Variants in ZEB1 observed in about 807,000 individuals in gnomAD.
ZEB1 encodes zinc finger E-box binding homeobox 1.
Under a neutral mutation model 84.9 loss-of-function variants are expected in ZEB1, and 21 were observed. That is an observed-to-expected ratio of 0.25 (90% confidence interval 0.18 to 0.36). The LOEUF is 0.36. Ranked by LOEUF, ZEB1 falls within the 10% of genes least tolerant of loss-of-function variation. The probability of loss-of-function intolerance (pLI) is 1.00; values close to 1 mark genes in which losing one functional copy is unlikely to be tolerated. For synonymous variants in ZEB1, 420 were observed against 471.1 expected (o/e 0.89, Z 1.41); for missense variants, 1,104 against 1,330.2 (o/e 0.83, Z 2.65).
chr10:31,444,359 A>G (rs1349471929), intron 1 of ZEB1, among the ~76,000 whole-genome samples: 4 of 149,846 alleles, frequency 2.7e-5, no homozygotes, highest in African/African-American at 9.9e-5. Flanking sequence ...CCCATTTTGT[A>G]GGTTGCCTGT....
intron 1 of ZEB1, among the ~76,000 whole-genome samples, chr10:31,449,624 A>G (rs557335345): frequency 3.4e-4 from 52 of 152,246 alleles, no homozygotes; most frequent in Non-Finnish European, 5.7e-4. Context: ...TTTAGGGTCT[A>G]TTTTGTATTA....
chr10:31,521,205 G>C lies in ZEB1; in HGVS notation c.1873G>C (p.Val625Leu). The C allele has an allele frequency of 6.2e-7, 1 of 1,614,076 alleles. No homozygotes were observed. Among genetic ancestry groups the C allele is most frequent in the East Asian group, 2.2e-5 (1 of 44,854 alleles). ...IADSVNLPLD[V>L]VKKWFEKMQA... ...TGATTCAGTAAACCTACCACTGGAT[G>C]TAGTAAAAAAGTGGTTTGAAAAGAT... Residue 625 changes from valine to leucine, a missense_variant, in exon 7 of 9, where the codon GTA becomes CTA. Val to Leu is a conservative substitution (Grantham distance 32, BLOSUM62 1). This residue lies in a region of ZEB1 where 531 missense variants were observed against 575.2 expected (regional missense o/e 0.92). Transcript: ENST00000424869.
chr10:31,333,314 T>C (rs2037212937), intron 1 of ZEB1, among the ~76,000 whole-genome samples: 1 of 150,614 alleles, frequency 6.6e-6, no homozygotes, highest in African/African-American at 2.5e-5. Flanking sequence ...CAGTATTGGA[T>C]CATACTTCCA....
chr10:31,370,727 T>C (rs938757612), intron 1 of ZEB1, among the ~76,000 whole-genome samples: 1 of 152,176 alleles, frequency 6.6e-6, no homozygotes, highest in African/African-American at 2.4e-5. Context: ...GGTGTAACTC[T>C]TTCTTTCTTT....
chr10:31,515,716 G>A (rs1426803888), intron 6 of ZEB1, among the ~76,000 whole-genome samples: 4 of 151,960 alleles, frequency 2.6e-5, no homozygotes, highest in Non-Finnish European at 4.4e-5. Context: ...ACTTGAAAAT[G>A]CTCAAACCAA....
chr10:31,486,098 T>C (rs1327648417), intron 2 of ZEB1, among the ~76,000 whole-genome samples: 4 of 151,830 alleles, frequency 2.6e-5, no homozygotes, highest in African/African-American at 9.7e-5. Context: ...AGTATTTCAT[T>C]GTATGGGTGT....
chr10:31,321,669 G>T, intron 1 of ZEB1: 1 of 1,243,684 alleles, frequency 8.0e-7, no homozygotes, highest in Non-Finnish European at 1.2e-6. Context: ...TGCAGCTGCT[G>T]TAAACATGTT....
chr10:31,514,748 C>G (rs1565181424), intron 6 of ZEB1, 40 bp downstream of exon 6: 1 of 1,436,588 alleles, frequency 7.0e-7, no homozygotes, highest in African/African-American at 1.4e-5. Flanking sequence ...AATATCATAG[C>G]ATATGTGGTA....
At chr10:31,473,068 A>G (rs1417353944) in intron 2 of ZEB1, among the ~76,000 whole-genome samples, 1 of 147,904 alleles carries the variant, frequency 6.8e-6, no homozygotes, top group Admixed American at 6.6e-5. Flanking sequence ...TCAAAATAAT[A>G]AGAGCTATCT....
At chr10:31,505,559 T>C (rs559101050) in intron 4 of ZEB1, among the ~76,000 whole-genome samples, 1 of 152,198 alleles carries the variant, frequency 6.6e-6, no homozygotes, top group African/African-American at 2.4e-5. Flanking sequence ...TTTTTTCATG[T>C]ATAGTTGTTC....
At chr10:31,475,092 G>C (rs2063902736) in intron 2 of ZEB1, among the ~76,000 whole-genome samples, 1 of 151,872 alleles carries the variant, frequency 6.6e-6, no homozygotes, top group Non-Finnish European at 1.5e-5. Context: ...GATAGCATTG[G>C]GAGATATACC....
chr10:31,362,375 G>A (rs1409310947), intron 1 of ZEB1, among the ~76,000 whole-genome samples: 1 of 150,318 alleles, frequency 6.7e-6, no homozygotes, highest in African/African-American at 2.5e-5. Flanking sequence ...GGGGGGCCGG[G>A]CAGAGGCACT....
intron 6 of ZEB1, among the ~76,000 whole-genome samples, chr10:31,517,082 T>C (rs1214761342): frequency 1.3e-5 from 2 of 152,072 alleles, no homozygotes; most frequent in Non-Finnish European, 2.9e-5. Flanking sequence ...CAAAGCCAAC[T>C]GGTCATTCAC....
intron 1 of ZEB1, chr10:31,372,906 A>T: frequency 1.6e-6 from 1 of 618,188 alleles, no homozygotes; most frequent in Non-Finnish European, 2.0e-6. Context: ...ATATAATATT[A>T]GGACTGCTTG....
chr10:31,332,449 A>G (rs1020936096), intron 1 of ZEB1, among the ~76,000 whole-genome samples: 1 of 152,176 alleles, frequency 6.6e-6, no homozygotes, highest in Admixed American at 6.5e-5. Flanking sequence ...ATTCACTATT[A>G]CTAGTTAATT....
At chr10:31,346,639 C>A (rs1360464713) in intron 1 of ZEB1, among the ~76,000 whole-genome samples, 2 of 151,584 alleles carry the variant, frequency 1.3e-5, no homozygotes, top group African/African-American at 4.8e-5. Context: ...CAAGAGCAGA[C>A]CACTTGATGA....
chr10:31,393,249 G>T (rs1343779782), intron 1 of ZEB1, among the ~76,000 whole-genome samples: 2 of 152,038 alleles, frequency 1.3e-5, no homozygotes, highest in East Asian at 1.9e-4. Context: ...TATAGTTTTG[G>T]TTTTGTTTTT....
At chr10:31,442,823 A>T (rs965668758) in intron 1 of ZEB1, among the ~76,000 whole-genome samples, 2 of 152,224 alleles carry the variant, frequency 1.3e-5, no homozygotes, top group African/African-American at 4.8e-5. Flanking sequence ...AAGTCAAATG[A>T]GGACTGATAA....
intron 1 of ZEB1, among the ~76,000 whole-genome samples, chr10:31,361,602 AG>A (rs1191643875): frequency 1.4e-5 from 2 of 144,328 alleles, no homozygotes; most frequent in South Asian, 2.3e-4. Context: ...CAGACGGTGC[AG>A]GGGCTGGGCA....
Sources: allele counts gnomAD v4.1 joint callset (sites outside exome capture counted in the v4.1 genomes callset), GRCh38; gene constraint gnomAD v4.1.1; regional missense constraint gnomAD v4.1.1; transcripts MANE v1.5; gene names NCBI Gene and HGNC (gene_info 2026-07-23, HGNC 2026-07-21).